TRIM23: variants seen among roughly 807,000 people sequenced by gnomAD.
TRIM23 encodes the protein tripartite motif containing 23.
A neutral mutation model predicts 71.0 loss-of-function variants in TRIM23; 27 were observed. That is an observed-to-expected ratio of 0.38 (90% CI 0.28 to 0.52). The LOEUF (loss-of-function observed/expected upper bound fraction) is 0.52. Ranked by LOEUF, TRIM23 falls within the 20% of genes least tolerant of loss-of-function variation. TRIM23 has a pLI of 0.84. For missense variants in TRIM23, 482 were observed against 692.3 expected (o/e 0.70, Z 3.41); for synonymous variants, 234 against 238.0 (o/e 0.98, Z 0.16).
intron 6 of TRIM23, among the ~76,000 whole-genome samples, chr5:65,608,392 A>G (rs1173048813): frequency 6.6e-6 from 1 of 152,208 alleles, no homozygotes; most frequent in Non-Finnish European, 1.5e-5. Context: ...CAACTGTTAC[A>G]ATTCAGTGTG....
At chr5:65,615,561 C>A (rs184612817) in intron 2 of TRIM23, among the ~76,000 whole-genome samples, 4 of 151,272 alleles carry the variant, frequency 2.6e-5, no homozygotes, top group African/African-American at 9.7e-5. Flanking sequence ...TTGTGGTTCT[C>A]CCAAAAAAAC....
chr5:65,606,369 C>T (rs1754501802), intron 6 of TRIM23, among the ~76,000 whole-genome samples: 1 of 151,956 alleles, frequency 6.6e-6, no homozygotes, highest in East Asian at 1.9e-4. Context: ...ACACTTGAGC[C>T]CAGGAGGCAG....
intron 1 of TRIM23, among the ~76,000 whole-genome samples, chr5:65,623,985 T>C (rs991651099): frequency 1.3e-5 from 2 of 152,200 alleles, no homozygotes; most frequent in Admixed American, 1.3e-4. Flanking sequence ...AATGTCCCGA[T>C]GATGACATGT....
intron 3 of TRIM23, 81 bp from the exon 4 acceptor site, chr5:65,611,962 C>A (rs1331019251): frequency 1.5e-6 from 2 of 1,360,598 alleles, no homozygotes; most frequent in Non-Finnish European, 2.0e-6. Flanking sequence ...AATCCATAAT[C>A]CTTTTTGCTT....
chr5:65,609,967 C>T (rs1022470966), intron 5 of TRIM23, among the ~76,000 whole-genome samples: 3 of 152,266 alleles, frequency 2.0e-5, no homozygotes, highest in South Asian at 2.1e-4. Context: ...TCTTTCATAG[C>T]CCACTAGTCC....
At chr5:65,609,584 G>A in intron 5 of TRIM23, 126 bp from the exon 6 acceptor site, 1 of 1,002,640 alleles carries the variant, frequency 1.0e-6, no homozygotes, top group East Asian at 2.6e-5. Flanking sequence ...GAAAAAATTA[G>A]CCAGCCGTGG....
chr5:65,609,367 A>G lies in TRIM23; in HGVS notation c.920T>C (p.Leu307Pro). 1 of 1,614,210 alleles carries G rather than the reference A, an allele frequency of 6.2e-7. No individual in the cohort carries two copies. The highest frequency in any genetic ancestry group is 8.5e-7 in the Non-Finnish European group (1 of 1,180,048). Residue 307 changes from leucine (L) to proline (P), a missense_variant, in exon 6 of 11, where the codon CTA (leucine) becomes CCA (proline). Physicochemically the swap from Leu to Pro is moderately conservative, Grantham distance 98. This residue lies in a region of TRIM23 where 307 missense variants were observed against 495.8 expected (regional missense o/e 0.62). Transcript: ENST00000231524. ...ETLCRQEEMA[L>P]SVVDAHVREK... ...ACGAACATGAGCATCAACAACACTTAGAGCCATTTCTTCTTGACGACACAG... is the reference window on the plus strand; with the variant it reads ...ACGAACATGAGCATCAACAACACTTGGAGCCATTTCTTCTTGACGACACAG...
intron 3 of TRIM23, chr5:65,613,694 G>A: frequency 2.6e-6 from 3 of 1,147,042 alleles, no homozygotes; most frequent in Non-Finnish European, 2.2e-6. Flanking sequence ...TATCTTTAAG[G>A]CATTTTCCCC....
intron 7 of TRIM23, among the ~76,000 whole-genome samples, chr5:65,603,981 G>A (rs1205497505): frequency 1.3e-5 from 2 of 150,210 alleles, no homozygotes; most frequent in Non-Finnish European, 1.5e-5. Flanking sequence ...TTTAAGTGAC[G>A]GGAATTTCAC....
At chr5:65,598,263 T>A (rs1306583478) in intron 7 of TRIM23, among the ~76,000 whole-genome samples, 1 of 152,164 alleles carries the variant, frequency 6.6e-6, no homozygotes, top group East Asian at 1.9e-4. Context: ...CAGAACTACT[T>A]CTGTGAGAAC....
At position 65,591,962 on chromosome 5, in the gene TRIM23, ACACATATTTTTTAT is replaced by A. The variant is rs1561739003; in HGVS notation, c.1546-28_1546-15del. ...TCCAGCAACATCCTGAAAGATATATACACATATTTTTTATCAGTCCATCCAAATTATAATTTTTC... is the reference window on the plus strand; with the variant it reads ...TCCAGCAACATCCTGAAAGATATATACAGTCCATCCAAATTATAATTTTTC... On this transcript the variant is annotated splice_polypyrimidine_tract_variant and intron_variant, in intron 10 of 10. Transcript: ENST00000231524. 1 of 1,607,284 alleles carries A rather than the reference ACACATATTTTTTAT, an allele frequency of 6.2e-7. No individual in the cohort carries two copies. Among genetic ancestry groups the A allele is most frequent in the East Asian group, 2.2e-5 (1 of 44,778 alleles).
At chr5:65,609,723 T>C (rs183182041) in intron 5 of TRIM23, among the ~76,000 whole-genome samples, 9 of 152,248 alleles carry the variant, frequency 5.9e-5, no homozygotes, top group Admixed American at 1.3e-4. Flanking sequence ...GAGCGAGACA[T>C]TGTTTAAATA....
intron 2 of TRIM23, among the ~76,000 whole-genome samples, chr5:65,616,285 G>A (rs972988426): frequency 9.2e-5 from 14 of 152,154 alleles, no homozygotes; most frequent in African/African-American, 3.1e-4. Flanking sequence ...TTCTAGTTTT[G>A]TTAAACATTG....
Position 65,620,201 on chromosome 5 carries a change from A to G in TRIM23, c.82-1946T>C, listed in dbSNP as rs927041942. On this transcript the variant is annotated intron_variant, in intron 1 of 10. Transcript: ENST00000231524. ...AAGGTGTGGGAAAGCAGACACTCTC[A>G]TACATTACTAATTGCTATGAAATGT... is the stretch of plus-strand genomic sequence containing the variant. 4.3e-4 allele frequency among the ~76,000 whole-genome samples: 65 copies of G among 152,238 alleles called. 1 individual carries two copies. Among genetic ancestry groups the G allele is most frequent in the Non-Finnish European group, 4.4e-5 (3 of 68,050 alleles).
rs576103419 is a variant in TRIM23 at position 65,617,581 on chromosome 5, C to T, written c.244+512G>A. Among the ~76,000 whole-genome samples the T allele has an allele frequency of 5.9e-5, 9 of 152,040 alleles. No individual in the cohort carries two copies. In the East Asian group the frequency reaches 1.5e-3, roughly 26 times the overall value. ...CGTAAAGAAAAGTTTTAAAAGTATA[C>T]AGAAAACTGCAAAAAAAAGCCACAA... On this transcript the variant is annotated intron_variant, in intron 2 of 10. Coordinates refer to ENST00000231524, the MANE Select transcript of TRIM23 (RefSeq NM_001656.4).
chr5:65,592,387 G>A (rs184509154), intron 10 of TRIM23, among the ~76,000 whole-genome samples: 3 of 151,942 alleles, frequency 2.0e-5, no homozygotes, highest in Non-Finnish European at 4.4e-5. Flanking sequence ...ACCATGCCCG[G>A]CTAATTTTTT....
intron 10 of TRIM23, among the ~76,000 whole-genome samples, chr5:65,593,895 G>A (rs1443971127): frequency 1.3e-5 from 2 of 152,132 alleles, no homozygotes; most frequent in Non-Finnish European, 2.9e-5. Context: ...TCTACCCCTA[G>A]AATTATAGTA....
chr5:65,621,104 G>A (rs1000328476), intron 1 of TRIM23, among the ~76,000 whole-genome samples: 2 of 152,152 alleles, frequency 1.3e-5, no homozygotes, highest in Admixed American at 1.3e-4. Flanking sequence ...TGTAATCTCA[G>A]CACTTTGGGA....
At chr5:65,598,667 G>A (rs148664157) in intron 7 of TRIM23, among the ~76,000 whole-genome samples, 1 of 151,940 alleles carries the variant, frequency 6.6e-6, no homozygotes, top group East Asian at 1.9e-4. Flanking sequence ...AGAATCGCTT[G>A]AACCCGGAAG....
Sources: gnomAD v4.1 joint callset for allele counts (sites outside exome capture counted in the v4.1 genomes callset) on GRCh38, gnomAD v4.1.1 for gene constraint, gnomAD v4.1.1 regional missense constraint, MANE v1.5 for transcripts, NCBI Gene and HGNC (gene_info 2026-07-23, HGNC 2026-07-21) for gene names.